MMP2: variants seen among roughly 807,000 people sequenced by gnomAD.
MMP2 encodes the protein matrix metallopeptidase 2.
Under a neutral mutation model 74.8 loss-of-function variants are expected in MMP2, and 39 were observed. The ratio of observed to expected loss-of-function variants is 0.52; its 90% confidence interval spans 0.40 to 0.68. The LOEUF (loss-of-function observed/expected upper bound fraction) is 0.68, where lower values mean the gene tolerates loss of function less well. MMP2 is among the 30% of genes least tolerant of loss of function. MMP2 has a pLI of 0.00. For missense variants in MMP2, 803 were observed against 878.3 expected, an observed-to-expected ratio of 0.91 and a Z score of 1.08; for synonymous variants, 367 against 339.8, an observed-to-expected ratio of 1.08 and a Z score of -0.88.
intron 3 of MMP2, among the ~76,000 whole-genome samples, chr16:55,484,417 C>T (rs2142346890): frequency 6.6e-6 from 1 of 152,286 alleles, no homozygotes; most frequent in African/African-American, 2.4e-5. Flanking sequence ...AAGTGGTCTA[C>T]TGTGCTGTCC....
In MMP2 at chr16:55,484,116, C is replaced by T; in HGVS notation, c.481C>T (p.Arg161Ter). 4 of 1,614,146 alleles carry T rather than the reference C, an allele frequency of 2.5e-6. No individual in the cohort carries two copies. Among genetic ancestry groups the T allele is most frequent in the Non-Finnish European group, 1.7e-6 (2 of 1,180,036 alleles). The change falls in exon 3 of 13, where the codon CGA (arginine) becomes TGA (stop). Residue 161 changes from arginine to a stop codon, truncating the protein, a stop_gained. Transcript: ENST00000219070. LOFTEE classifies it high-confidence loss of function. Reference protein sequence around the residue: ...WSDVTPLRFSRIHDGEADIMI... With the variant: ...WSDVTPLRFS ...CGATGTGACCCCACTGCGGTTTTCT[C>T]GAATCCATGATGGAGAGGCAGACAT... is the stretch of plus-strand genomic sequence containing the variant.
rs567092201 is a variant in MMP2 at position 55,479,277 on chromosome 16, TGCGGCG to T, written c.-186_-181del. 3.7e-5 allele frequency: 15 copies of T among 401,180 alleles called. No homozygotes were observed. The highest frequency in any genetic ancestry group is 5.3e-5 in the Non-Finnish European group (13 of 247,308). 24.9% of individuals were successfully genotyped at this position (401,180 alleles called of 1,614,324 possible). A position where few individuals can be genotyped will look rare whatever the true frequency, so the allele number is the denominator to read the frequency against. On this transcript the variant is annotated 5_prime_UTR_variant, in exon 1 of 13. Coordinates refer to ENST00000219070, the MANE Select transcript of MMP2 (RefSeq NM_004530.6). ...AACATACAAAGGGATTGCCAGGACC[TGCGGCG>T]GCGGCGGCGGCGGCGGGGGCTGGGG...
In MMP2 at chr16:55,491,967, G is replaced by C; in HGVS notation, c.1336+11G>C. On this transcript the variant is annotated intron_variant, in intron 8 of 12. Transcript: ENST00000219070. ...TTCAGGAGCTCTATGGTAAACCTCC[G>C]GGCGGGGGTTGGGGGTGGAGGGTGA... The C allele has an allele frequency of 2.5e-6, 4 of 1,611,498 alleles. No individual in the cohort carries two copies. Among genetic ancestry groups the C allele is most frequent in the Non-Finnish European group, 3.4e-6 (4 of 1,178,400 alleles).
chr16:55,498,744 G>C (rs1047093951), intron 11 of MMP2, among the ~76,000 whole-genome samples: 3 of 152,218 alleles, frequency 2.0e-5, no homozygotes, highest in Non-Finnish European at 4.4e-5. Context: ...ACTGAAGAAG[G>C]GGGTAATAAA....
At chr16:55,485,896 A>G in intron 5 of MMP2, 119 bp downstream of exon 5, 3 of 1,069,702 alleles carry the variant, frequency 2.8e-6, no homozygotes, top group South Asian at 1.3e-5. Flanking sequence ...GTTAATGAGC[A>G]TCCCTCCAAC....
intron 1 of MMP2, among the ~76,000 whole-genome samples, chr16:55,481,336 C>A (rs1314210337): frequency 6.6e-6 from 1 of 152,058 alleles, no homozygotes; most frequent in Admixed American, 6.6e-5. Flanking sequence ...ACTGTCACAG[C>A]GCTGGTGGGA....
chr16:55,485,397 G>A lies in MMP2; in HGVS notation c.628G>A (p.Asp210Asn), dbSNP rs1230286710. The change falls in exon 4 of 13, where the codon GAT becomes AAT. Residue 210 changes from aspartate to asparagine, a missense_variant. This residue lies in a region of MMP2 where 25 missense variants were observed against 53.5 expected (regional missense o/e 0.47). Coordinates refer to ENST00000219070, the MANE Select transcript of MMP2 (RefSeq NM_004530.6). ...GVGGDSHFDD[D>N]ELWTLGEGQV... ...TGGGGGAGACTCCCATTTTGATGAC[G>A]ATGAGCTATGGACCTTGGGAGAAGG... 4.3e-6 allele frequency: 7 copies of A among 1,613,982 alleles called. No individual in the cohort carries two copies. Among genetic ancestry groups the A allele is most frequent in the Non-Finnish European group, 3.4e-6 (4 of 1,180,014 alleles).
At chr16:55,500,085 G>A (rs142621853) in intron 11 of MMP2, among the ~76,000 whole-genome samples, 162 of 152,112 alleles carry the variant, frequency 1.1e-3, no homozygotes, top group African/African-American at 3.6e-3. Context: ...CCATGTCAGG[G>A]TGGAATTCCA....
At position 55,491,973 on chromosome 16, in the gene MMP2, G is replaced by C; in HGVS notation, c.1336+17G>C. 2 of 1,606,404 alleles carry C rather than the reference G, an allele frequency of 1.2e-6. No homozygotes were observed. Among genetic ancestry groups the C allele is most frequent in the East Asian group, 2.3e-5 (1 of 44,418 alleles). On this transcript the variant is annotated intron_variant, in intron 8 of 12. Transcript: ENST00000219070. ...AGCTCTATGGTAAACCTCCGGGCGG[G>C]GGTTGGGGGTGGAGGGTGAGGAGGG...
chr16:55,505,218 G>T, intron 12 of MMP2, 121 bp from the exon 13 acceptor site: 1 of 889,704 alleles, frequency 1.1e-6, no homozygotes. Context: ...GCCTTTCAAA[G>T]CTCTCTTCTC....
At chr16:55,497,142 C>T (rs1282646615) in intron 10 of MMP2, 80 bp downstream of exon 10, 318 of 1,592,628 alleles carry the variant, frequency 2.0e-4, no homozygotes, top group Non-Finnish European at 2.6e-4. Flanking sequence ...AGGCTCACTC[C>T]CCCTCTCAAA....
Position 55,483,123 on chromosome 16 carries a change from A to G in MMP2, c.368A>G (p.Gln123Arg). ...FPRKPKWDKNQITYRIIGYTP... is the reference protein window; with the variant it reads ...FPRKPKWDKNRITYRIIGYTP... Reference sequence around the variant, plus strand: ...CGCAAGCCCAAGTGGGACAAGAACCAGATCACATACAGGTGCCGGGGCAGG... The same window carrying G: ...CGCAAGCCCAAGTGGGACAAGAACCGGATCACATACAGGTGCCGGGGCAGG... Residue 123 changes from glutamine (Q) to arginine (R), a missense_variant, in exon 2 of 13, where the codon CAG becomes CGG. Gln to Arg is a conservative substitution (Grantham distance 43). Around this residue, in one of 3 missense-constraint regions of MMP2, gnomAD observed 223 missense variants for 232.8 expected, o/e 0.96. Coordinates refer to ENST00000219070, the MANE Select transcript of MMP2 (RefSeq NM_004530.6). 6.2e-7 allele frequency: 1 copy of G among 1,613,996 alleles called. No individual in the cohort carries two copies. Among genetic ancestry groups the G allele is most frequent in the Non-Finnish European group, 8.5e-7 (1 of 1,179,868 alleles).
intron 12 of MMP2, among the ~76,000 whole-genome samples, chr16:55,504,350 A>T (rs890376524): frequency 1.3e-5 from 2 of 152,198 alleles, no homozygotes; most frequent in Admixed American, 6.5e-5. Context: ...GCCTGACAGG[A>T]CTGGATATAT....
intron 5 of MMP2, chr16:55,488,170 A>C: frequency 3.9e-6 from 1 of 258,772 alleles, no homozygotes; most frequent in East Asian, 1.0e-4. Context: ...CCTGCCTGCC[A>C]TGACTGATAT....
At chr16:55,494,783 A>G (rs1453478664) in intron 9 of MMP2, among the ~76,000 whole-genome samples, 1 of 152,248 alleles carries the variant, frequency 6.6e-6, no homozygotes, top group Non-Finnish European at 1.5e-5. Context: ...GTGATCGCAG[A>G]GGTGTTAGGT....
intron 9 of MMP2, among the ~76,000 whole-genome samples, chr16:55,496,360 A>C (rs1378955886): frequency 6.6e-6 from 1 of 152,126 alleles, no homozygotes; most frequent in Non-Finnish European, 1.5e-5. Context: ...GATGGTGGGG[A>C]AATAGATAAT....
chr16:55,496,810 C>T (rs559710422), intron 9 of MMP2, 116 bp from the exon 10 acceptor site: 18 of 1,394,984 alleles, frequency 1.3e-5, no homozygotes, highest in East Asian at 9.4e-5. Flanking sequence ...TCCTGCCTCC[C>T]ACTCCCATCA....
At position 55,497,025 on chromosome 16, in the gene MMP2, C is replaced by T. The variant is rs374801798; in HGVS notation, c.1572C>T (p.Tyr524=). ...TCCCGGAAAAGATTGATGCGGTATACGAGGCCCCACAGGAGGAGAAGGCTG... is the reference window on the plus strand; with the variant it reads ...TCCCGGAAAAGATTGATGCGGTATATGAGGCCCCACAGGAGGAGAAGGCTG... The part of the protein sequence containing the change: ...PELPEKIDAV[Y]EAPQEEKAVF... Residue 524 remains tyrosine (Y), a synonymous_variant, in exon 10 of 13, where the codon TAC becomes TAT. Transcript: ENST00000219070. The T allele has an allele frequency of 6.8e-5, 110 of 1,614,012 alleles. No individual in the cohort carries two copies. The highest frequency in any genetic ancestry group is 6.7e-4 in the African/African-American group (50 of 74,916).
In MMP2 at chr16:55,492,091, G is replaced by T. The variant is rs1375628161; in HGVS notation, c.1336+135G>T. Reference sequence around the variant, plus strand: ...TGCTGGAGACGAGGGCAGGAAATGGGAGTGTTGACCTGGTCTTGGGAAGGC... The same window carrying T: ...TGCTGGAGACGAGGGCAGGAAATGGTAGTGTTGACCTGGTCTTGGGAAGGC... On this transcript the variant is annotated intron_variant, in intron 8 of 12. Transcript: ENST00000219070. 8.3e-6 allele frequency: 7 copies of T among 843,078 alleles called. No homozygotes were observed. In the East Asian group the frequency reaches 1.9e-4, roughly 22 times the overall value. 52.2% of individuals were successfully genotyped at this position (843,078 alleles called of 1,614,324 possible).
Sources: allele counts gnomAD v4.1 joint callset (sites outside exome capture counted in the v4.1 genomes callset), GRCh38; gene constraint gnomAD v4.1.1; regional missense constraint gnomAD v4.1.1; transcripts MANE v1.5; gene names NCBI Gene and HGNC (gene_info 2026-07-23, HGNC 2026-07-21).